Variants in PPFIA2 observed in about 807,000 individuals in gnomAD.
PPFIA2 encodes the protein liprin-alpha-2.
In PPFIA2, 46 loss-of-function variants were observed where a neutral mutation model predicts 175.5. The ratio of observed to expected loss-of-function variants is 0.26; its 90% CI spans 0.21 to 0.34. The LOEUF is 0.34. PPFIA2 is among the 10% of genes least tolerant of loss of function. PPFIA2 has a pLI of 1.00. For synonymous variants in PPFIA2, 568 were observed against 511.4 expected (o/e 1.11, Z -1.49); for missense variants, 1,179 against 1,506.1 (o/e 0.78, Z 3.60).
intron 4 of PPFIA2, among the ~76,000 whole-genome samples, chr12:81,468,186 A>C (rs977432698): frequency 6.6e-6 from 1 of 152,220 alleles, no homozygotes; most frequent in Non-Finnish European, 1.5e-5. Context: ...CAGAGGAACC[A>C]ACCTACTTCT....
intron 3 of PPFIA2, among the ~76,000 whole-genome samples, chr12:81,704,062 A>G (rs560628782): frequency 2.6e-5 from 4 of 152,302 alleles, no homozygotes; most frequent in Non-Finnish European, 5.9e-5. Context: ...TAACACAGAC[A>G]TAGGATCTTG....
At chr12:81,267,641 G>C (rs976734475) in intron 29 of PPFIA2, among the ~76,000 whole-genome samples, 2 of 151,990 alleles carry the variant, frequency 1.3e-5, no homozygotes, top group African/African-American at 4.8e-5. Flanking sequence ...ATGGCCATCT[G>C]TCAGGGATTT....
At chr12:81,419,429 T>C (rs2045880814) in intron 7 of PPFIA2, among the ~76,000 whole-genome samples, 1 of 152,126 alleles carries the variant, frequency 6.6e-6, no homozygotes, top group African/African-American at 2.4e-5. Flanking sequence ...TTATAAATAT[T>C]TATTGAATGA....
At chr12:81,630,396 C>T (rs1485858985) in intron 4 of PPFIA2, among the ~76,000 whole-genome samples, 1 of 152,126 alleles carries the variant, frequency 6.6e-6, no homozygotes, top group Non-Finnish European at 1.5e-5. Flanking sequence ...TCCCTAACTA[C>T]AAGAAAGGCT....
chr12:81,507,364 T>A (rs1448758992), intron 4 of PPFIA2, among the ~76,000 whole-genome samples: 10 of 152,196 alleles, frequency 6.6e-5, no homozygotes, highest in Non-Finnish European at 1.5e-4. Context: ...TTTTTTTCAA[T>A]CTATATCTTA....
At chr12:81,466,662 G>T (rs970117911) in intron 4 of PPFIA2, among the ~76,000 whole-genome samples, 80 of 152,000 alleles carry the variant, frequency 5.3e-4, no homozygotes, top group African/African-American at 1.9e-3. Flanking sequence ...GAGTCAGCTT[G>T]TTTTTAAACC....
In PPFIA2 at chr12:81,281,243, G is replaced by GA. The variant is rs757867249; in HGVS notation, c.3212+13dup. The stretch of plus-strand genomic sequence containing the variant: ...TTAATTATTCTTTGGGGAAAAAAAA[G>GA]AAAAAACACCTACCGATGGAAACTA... On this transcript the variant is annotated intron_variant, in intron 27 of 32. Coordinates refer to ENST00000549396, the MANE Select transcript of PPFIA2 (RefSeq NM_003625.5). 52 of 1,530,484 alleles carry GA rather than the reference G, an allele frequency of 3.4e-5. 1 individual carries two copies. The South Asian group carries it at 5.7e-4, about 17-fold the overall frequency. 94.8% of individuals were successfully genotyped at this position (1,530,484 alleles called of 1,614,324 possible).
chr12:81,675,217 C>T (rs2072257249), intron 4 of PPFIA2, among the ~76,000 whole-genome samples: 1 of 102,760 alleles, frequency 9.7e-6, no homozygotes, highest in Non-Finnish European at 2.6e-5. Context: ...CACACACACA[C>T]ACACATATAT....
intron 19 of PPFIA2, among the ~76,000 whole-genome samples, chr12:81,342,209 T>G (rs1210590176): frequency 6.6e-6 from 1 of 152,044 alleles, no homozygotes; most frequent in African/African-American, 2.4e-5. Context: ...ACTTAAAATT[T>G]TTTCCAATGT....
At chr12:81,702,136 A>G (rs896160052) in intron 3 of PPFIA2, among the ~76,000 whole-genome samples, 4 of 151,328 alleles carry the variant, frequency 2.6e-5, no homozygotes, top group African/African-American at 9.7e-5. Flanking sequence ...CACCCAGGGC[A>G]TAAGTTCTCA....
At chr12:81,288,426 GAGA>G (rs1183426056) in intron 24 of PPFIA2, among the ~76,000 whole-genome samples, 1 of 151,724 alleles carries the variant, frequency 6.6e-6, no homozygotes, top group African/African-American at 2.4e-5. Context: ...AGTATCAAGG[GAGA>G]AGGAGAAGGA....
chr12:81,602,105 A>G (rs2059855382), intron 4 of PPFIA2, among the ~76,000 whole-genome samples: 1 of 151,886 alleles, frequency 6.6e-6, no homozygotes, highest in Non-Finnish European at 1.5e-5. Flanking sequence ...ATATACACTT[A>G]AAATATTTTT....
Position 81,277,417 on chromosome 12 carries a change from T to A in PPFIA2, c.3213-3A>T. The A allele has an allele frequency of 6.7e-7, 1 of 1,492,530 alleles. No homozygotes were observed. Among genetic ancestry groups the A allele is most frequent in the South Asian group, 1.3e-5 (1 of 74,558 alleles). 92.5% of individuals were successfully genotyped at this position (1,492,530 alleles called of 1,614,324 possible). Reference sequence around the variant, plus strand: ...TAATTCCATATTGTAAACTTGTTCTTTTTTTTTTATTAAAAAAAAAAAAAC... The same window carrying A: ...TAATTCCATATTGTAAACTTGTTCTATTTTTTTTATTAAAAAAAAAAAAAC... On this transcript the variant is annotated splice_polypyrimidine_tract_variant and splice_region_variant and intron_variant, in intron 27 of 32. Transcript: ENST00000549396.
intron 3 of PPFIA2, among the ~76,000 whole-genome samples, chr12:81,720,759 G>T (rs1032563217): frequency 3.3e-5 from 5 of 151,116 alleles, no homozygotes; most frequent in African/African-American, 1.2e-4. Flanking sequence ...TTTTTTTCTG[G>T]AATATAACTA....
At chr12:81,328,781 A>C (rs9805103) in intron 21 of PPFIA2, among the ~76,000 whole-genome samples, 141,323 of 150,432 alleles carry the variant, frequency 0.94, 66,453 homozygotes, top group East Asian at 0.98. Flanking sequence ...AAATAGAGAA[A>C]CTGCAGCTTG....
intron 21 of PPFIA2, among the ~76,000 whole-genome samples, chr12:81,333,188 C>T (rs2056469849): frequency 6.6e-6 from 1 of 152,114 alleles, no homozygotes; most frequent in South Asian, 2.1e-4. Context: ...TAAGCCAGCC[C>T]ATTTTGTATA....
chr12:81,421,762 G>GA (rs931969194), intron 7 of PPFIA2, among the ~76,000 whole-genome samples: 7 of 151,588 alleles, frequency 4.6e-5, no homozygotes, highest in Non-Finnish European at 5.9e-5. Context: ...GGATTTAAAG[G>GA]AAAAAAATAA....
At chr12:81,413,425 C>A (rs1471140956) in intron 7 of PPFIA2, among the ~76,000 whole-genome samples, 1 of 151,674 alleles carries the variant, frequency 6.6e-6, no homozygotes, top group African/African-American at 2.4e-5. Context: ...AAAAAGGATT[C>A]TGGGTAGAGC....
intron 3 of PPFIA2, among the ~76,000 whole-genome samples, chr12:81,685,540 C>T (rs963213624): frequency 5.3e-5 from 8 of 152,018 alleles, no homozygotes; most frequent in Non-Finnish European, 1.2e-4. Flanking sequence ...AATTTTGTGG[C>T]TGAGGCACTG....
Sources: gnomAD v4.1 joint callset for allele counts (sites outside exome capture counted in the v4.1 genomes callset) on GRCh38, gnomAD v4.1.1 for gene constraint, MANE v1.5 for transcripts, NCBI Gene and HGNC (gene_info 2026-07-23, HGNC 2026-07-21) for gene names.